Variants in ZCWPW2 observed in about 807,000 individuals in gnomAD.
The protein encoded by ZCWPW2 is zinc finger CW-type PWWP domain protein 2.
ZCWPW2 carries 45 observed loss-of-function variants against 46.6 expected under a neutral mutation model. The observed-to-expected ratio is 0.96, with a 90% CI of 0.76 to 1.24. The LOEUF (loss-of-function observed/expected upper bound fraction) is 1.24, where lower values mean the gene tolerates loss of function less well. Ranked by LOEUF, ZCWPW2 falls within the 50% of genes most tolerant of loss-of-function variation. The pLI, the probability that ZCWPW2 is intolerant of heterozygous loss-of-function variation, is 0.00. For synonymous variants in ZCWPW2, 152 were observed against 137.1 expected (o/e 1.11, Z -0.76); for missense variants, 429 against 403.9 (o/e 1.06, Z -0.53).
chr3:28,405,650 AT>A (rs530273841), intron 2 of ZCWPW2, among the ~76,000 whole-genome samples: 37 of 151,942 alleles, frequency 2.4e-4, no homozygotes, highest in Non-Finnish European at 4.3e-4. Context: ...TAATTTTTGT[AT>A]TTTTAGTAGA....
At chr3:28,355,466 T>C (rs896675319) in intron 1 of ZCWPW2, among the ~76,000 whole-genome samples, 8 of 152,208 alleles carry the variant, frequency 5.3e-5, no homozygotes, top group South Asian at 4.1e-4. Context: ...ATCAAGCTAC[T>C]AATGACTTTC....
intron 4 of ZCWPW2, among the ~76,000 whole-genome samples, chr3:28,457,867 G>T (rs536885889): frequency 6.6e-6 from 1 of 152,016 alleles, no homozygotes; most frequent in South Asian, 2.1e-4. Flanking sequence ...TTTAAAAATT[G>T]TATTAAAATA....
intron 3 of ZCWPW2, among the ~76,000 whole-genome samples, chr3:28,426,450 AAT>A (rs1697015917): frequency 1.3e-5 from 2 of 152,222 alleles, no homozygotes; most frequent in South Asian, 4.1e-4. Context: ...ATTTATAGAA[AAT>A]ATGTTTGCAT....
intron 8 of ZCWPW2, among the ~76,000 whole-genome samples, chr3:28,518,818 A>G (rs1000932648): frequency 6.6e-6 from 1 of 152,218 alleles, no homozygotes; most frequent in Non-Finnish European, 1.5e-5. Context: ...AAAGTAGGAA[A>G]ATGTAACATT....
chr3:28,406,600 C>G (rs972071903), intron 2 of ZCWPW2, among the ~76,000 whole-genome samples: 1 of 152,008 alleles, frequency 6.6e-6, no homozygotes, highest in African/African-American at 2.4e-5. Flanking sequence ...TATGAAGTAT[C>G]TTATTTTTTG....
chr3:28,428,956 G>A (rs924728633), intron 3 of ZCWPW2, among the ~76,000 whole-genome samples: 1 of 152,046 alleles, frequency 6.6e-6, no homozygotes, highest in East Asian at 1.9e-4. Flanking sequence ...CCCAGTCTTG[G>A]GTATTTCTTC....
intron 5 of ZCWPW2, among the ~76,000 whole-genome samples, chr3:28,480,110 A>G (rs1015087209): frequency 6.6e-6 from 1 of 152,092 alleles, no homozygotes; most frequent in African/African-American, 2.4e-5. Context: ...GGGTTGAATG[A>G]TATTTCTGCC....
intron 4 of ZCWPW2, among the ~76,000 whole-genome samples, chr3:28,439,128 C>T (rs1052039053): frequency 1.0e-4 from 15 of 143,238 alleles, no homozygotes; most frequent in Middle Eastern, 3.6e-3. Flanking sequence ...TATATATATA[C>T]ACACATCATA....
chr3:28,371,858 A>G (rs1230455425), intron 1 of ZCWPW2, among the ~76,000 whole-genome samples: 2 of 152,062 alleles, frequency 1.3e-5, no homozygotes, highest in Non-Finnish European at 2.9e-5. Context: ...GAGGAGCCTG[A>G]TTAAAGTTTA....
chr3:28,368,031 A>C (rs997320606), intron 1 of ZCWPW2, among the ~76,000 whole-genome samples: 1 of 152,124 alleles, frequency 6.6e-6, no homozygotes, highest in Admixed American at 6.5e-5. Flanking sequence ...TTTTGAGCCT[A>C]TATGTATCTC....
intron 1 of ZCWPW2, among the ~76,000 whole-genome samples, chr3:28,359,736 G>C (rs1704870263): frequency 6.6e-6 from 1 of 152,028 alleles, no homozygotes. Flanking sequence ...TGTAGCATTA[G>C]GCATATTTAT....
intron 3 of ZCWPW2, among the ~76,000 whole-genome samples, chr3:28,422,472 G>T (rs1176108594): frequency 6.6e-6 from 1 of 152,104 alleles, no homozygotes; most frequent in African/African-American, 2.4e-5. Flanking sequence ...AGATTGTATA[G>T]TATTTAGCCT....
At chr3:28,369,391 G>A (rs1378461083) in intron 1 of ZCWPW2, among the ~76,000 whole-genome samples, 1 of 152,342 alleles carries the variant, frequency 6.6e-6, no homozygotes, top group East Asian at 1.9e-4. Flanking sequence ...ACCCTCAGCT[G>A]CAGGTCTGTT....
intron 6 of ZCWPW2, among the ~76,000 whole-genome samples, chr3:28,512,475 A>G (rs1331145661): frequency 6.6e-6 from 1 of 152,064 alleles, no homozygotes; most frequent in African/African-American, 2.4e-5. Flanking sequence ...GCGAACCACC[A>G]TGCCTGGCCT....
chr3:28,486,823 G>A (rs1408870422), intron 5 of ZCWPW2, among the ~76,000 whole-genome samples: 1 of 151,726 alleles, frequency 6.6e-6, no homozygotes, highest in East Asian at 1.9e-4. Flanking sequence ...CCATGATTGT[G>A]CTACTGCACT....
rs1185024454 is a variant in ZCWPW2 at position 28,526,079 on chromosome 3, A to G, written c.*1391A>G. On this transcript the variant is annotated 3_prime_UTR_variant, in exon 10 of 10. Coordinates refer to ENST00000383768, the MANE Select transcript of ZCWPW2 (RefSeq NM_001040432.4). ...TGGAATGATAATCTAGTTTCCTCAT[A>G]TGTAAAATGGGGATGGAACTATGCA... 6.6e-6 allele frequency among the ~76,000 whole-genome samples: 1 copy of G among 152,146 alleles called. No homozygotes were observed. The highest frequency in any genetic ancestry group is 6.6e-5 in the Admixed American group (1 of 15,254).
intron 4 of ZCWPW2, among the ~76,000 whole-genome samples, chr3:28,477,508 G>C (rs1056157627): frequency 3.3e-5 from 5 of 152,108 alleles, no homozygotes; most frequent in African/African-American, 1.2e-4. Flanking sequence ...TCATTTTATG[G>C]GTAGTGATGT....
At chr3:28,371,095 G>A (rs1307425721) in intron 1 of ZCWPW2, among the ~76,000 whole-genome samples, 1 of 151,964 alleles carries the variant, frequency 6.6e-6, no homozygotes, top group Non-Finnish European at 1.5e-5. Flanking sequence ...AACATTCTTA[G>A]GTTTGGAATA....
chr3:28,406,068 T>G (rs555919006), intron 2 of ZCWPW2, among the ~76,000 whole-genome samples: 46 of 152,308 alleles, frequency 3.0e-4, no homozygotes, highest in African/African-American at 1.0e-3. Flanking sequence ...ATTGAATATT[T>G]GACTGAGGGA....
Sources: gnomAD v4.1 joint callset for allele counts (sites outside exome capture counted in the v4.1 genomes callset) on GRCh38, gnomAD v4.1.1 for gene constraint, MANE v1.5 for transcripts, NCBI Gene and HGNC (gene_info 2026-07-23, HGNC 2026-07-21) for gene names.